The following LRRFIP2 variants were observed in gnomAD, a reference collection of about 807,000 sequenced individuals.
LRRFIP2 encodes the protein LRR binding FLII interacting protein 2.
LRRFIP2 carries 109 observed loss-of-function variants against 125.9 expected under a neutral mutation model. The ratio of observed to expected loss-of-function variants is 0.87; its 90% CI spans 0.74 to 1.01. The LOEUF (loss-of-function observed/expected upper bound fraction) is 1.01, where lower values mean the gene tolerates loss of function less well. Among genes scored for constraint, LRRFIP2 ranks in the 50% least tolerant of loss-of-function variants. The pLI is 0.00. For missense variants in LRRFIP2, 850 were observed against 862.3 expected (o/e 0.99, Z 0.18); for synonymous variants, 291 against 293.1 (o/e 0.99, Z 0.07).
intron 19 of LRRFIP2, among the ~76,000 whole-genome samples, chr3:37,075,966 A>C (rs1196369505): frequency 1.3e-5 from 2 of 152,200 alleles, no homozygotes; most frequent in Admixed American, 6.5e-5. Context: ...TTAAATTAGT[A>C]ATGTTGGGAT....
At chr3:37,086,444 C>G (rs1423005564) in intron 18 of LRRFIP2, among the ~76,000 whole-genome samples, 1 of 152,048 alleles carries the variant, frequency 6.6e-6, no homozygotes, top group Non-Finnish European at 1.5e-5. Flanking sequence ...CAGCATTATT[C>G]ATAATAGACA....
chr3:37,089,107 A>T (rs1348218568), intron 18 of LRRFIP2, among the ~76,000 whole-genome samples: 1 of 152,148 alleles, frequency 6.6e-6, no homozygotes, highest in Non-Finnish European at 1.5e-5. Context: ...TTCAGTCACT[A>T]TAGATTTACT....
At chr3:37,169,965 C>T (rs922077601) in intron 1 of LRRFIP2, among the ~76,000 whole-genome samples, 2 of 150,764 alleles carry the variant, frequency 1.3e-5, no homozygotes, top group Admixed American at 1.3e-4. Context: ...TTTTTTTTCC[C>T]GAGGAGGAAA....
At chr3:37,070,422 T>G (rs1359584448) in intron 21 of LRRFIP2, among the ~76,000 whole-genome samples, 1 of 151,938 alleles carries the variant, frequency 6.6e-6, no homozygotes, top group Non-Finnish European at 1.5e-5. Flanking sequence ...CCCTGTTTAA[T>G]TTCTTACAAC....
intron 19 of LRRFIP2, 147 bp from the exon 20 acceptor site, chr3:37,075,263 A>G (rs1400674527): frequency 2.0e-6 from 1 of 510,098 alleles, no homozygotes; most frequent in African/African-American, 1.9e-5. Flanking sequence ...TGTGTATTCT[A>G]TAGAAAAGTT....
intron 19 of LRRFIP2, among the ~76,000 whole-genome samples, chr3:37,077,950 G>A (rs1361983031): frequency 6.6e-6 from 1 of 152,150 alleles, no homozygotes; most frequent in East Asian, 1.9e-4. Context: ...GGTACACAGA[G>A]TAGCCAAACT....
In LRRFIP2 at chr3:37,053,573, G is replaced by A; in HGVS notation, c.*278C>T. The A allele has an allele frequency of 2.8e-6, 1 of 351,052 alleles. No individual in the cohort carries two copies. The highest frequency in any genetic ancestry group is 5.3e-6 in the Non-Finnish European group (1 of 187,904). The allele number at this position is 351,052 out of a possible 1,614,324, so 21.7% of individuals were successfully genotyped here. A position where few individuals can be genotyped will look rare whatever the true frequency, so the allele number is the denominator to read the frequency against. ...GTGCCCAGTTACTGAGGCAGCTGGG[G>A]AAAAACGTTGAGTAAACATGATTCT... is the stretch of plus-strand genomic sequence containing the variant. On this transcript the variant is annotated 3_prime_UTR_variant, in exon 28 of 28. Transcript: ENST00000336686.
chr3:37,089,274 A>AT (rs1431823226), intron 18 of LRRFIP2, among the ~76,000 whole-genome samples: 1 of 152,142 alleles, frequency 6.6e-6, no homozygotes, highest in Middle Eastern at 3.2e-3. Context: ...ATTTTACTGC[A>AT]TTTTCTGGGT....
chr3:37,130,607 T>G (rs1222185322), intron 2 of LRRFIP2, among the ~76,000 whole-genome samples: 1 of 152,184 alleles, frequency 6.6e-6, no homozygotes, highest in Non-Finnish European at 1.5e-5. Flanking sequence ...ATTCATAAGT[T>G]TTAAATTGTA....
At position 37,129,003 on chromosome 3, in the gene LRRFIP2, T is replaced by C. The variant is rs879028218; in HGVS notation, c.177+60A>G. 21 of 1,429,834 alleles carry C rather than the reference T, an allele frequency of 1.5e-5. No homozygotes were observed. The South Asian group carries it at 2.2e-4, about 15-fold the overall frequency. 88.6% of individuals were successfully genotyped at this position (1,429,834 alleles called of 1,614,324 possible). On this transcript the variant is annotated intron_variant, in intron 3 of 27. Coordinates refer to ENST00000336686, the MANE Select transcript of LRRFIP2 (RefSeq NM_006309.4). ...AAACCAGATTCACATCAGAATAAAC[T>C]AGCCAAGTACTGATTTTGGGGGAGA...
At chr3:37,116,293 T>C (rs972561094) in intron 6 of LRRFIP2, among the ~76,000 whole-genome samples, 1 of 137,140 alleles carries the variant, frequency 7.3e-6, no homozygotes, top group African/African-American at 2.6e-5. Flanking sequence ...CCACCATACT[T>C]ACCTAATTTT....
chr3:37,104,457 T>TTA (rs1243616593), intron 14 of LRRFIP2, among the ~76,000 whole-genome samples: 1 of 152,220 alleles, frequency 6.6e-6, no homozygotes, highest in Non-Finnish European at 1.5e-5. Flanking sequence ...TAAAACGGCT[T>TTA]TAATTAAATA....
chr3:37,083,880 A>G (rs1372402241), intron 18 of LRRFIP2, 74 bp from the exon 19 acceptor site: 1 of 1,143,710 alleles, frequency 8.7e-7, no homozygotes, highest in Admixed American at 2.7e-5. Flanking sequence ...AGGAAATTAT[A>G]GCACTGCCAC....
intron 2 of LRRFIP2, among the ~76,000 whole-genome samples, chr3:37,129,940 C>G (rs2095384504): frequency 6.6e-6 from 1 of 152,200 alleles, no homozygotes; most frequent in Non-Finnish European, 1.5e-5. Flanking sequence ...CTGCAGTGAG[C>G]TGAGATCATG....
chr3:37,107,631 C>T (rs1433422719), intron 13 of LRRFIP2, among the ~76,000 whole-genome samples: 1 of 152,084 alleles, frequency 6.6e-6, no homozygotes, highest in Admixed American at 6.5e-5. Flanking sequence ...TTTTGTCTTT[C>T]GTATAACAAT....
Position 37,091,547 on chromosome 3 carries a change from C to T in LRRFIP2, c.1036-9G>A. 1 of 1,596,030 alleles carries T rather than the reference C, an allele frequency of 6.3e-7. No homozygotes were observed. The highest frequency in any genetic ancestry group is 1.1e-5 in the South Asian group (1 of 88,928). ...TTAAGGTCATAGATATCCTGCAGGACATAGGAATGAACCATTGCATAAAAC... is the reference window on the plus strand; with the variant it reads ...TTAAGGTCATAGATATCCTGCAGGATATAGGAATGAACCATTGCATAAAAC... On this transcript the variant is annotated splice_polypyrimidine_tract_variant and intron_variant, in intron 17 of 27. Coordinates refer to ENST00000336686, the MANE Select transcript of LRRFIP2 (RefSeq NM_006309.4).
chr3:37,118,213 C>G (rs2094880364), intron 6 of LRRFIP2, among the ~76,000 whole-genome samples: 1 of 152,102 alleles, frequency 6.6e-6, no homozygotes, highest in South Asian at 2.1e-4. Flanking sequence ...AGCACCACAC[C>G]CAGCTAATTT....
chr3:37,155,420 G>A (rs1288101487), intron 1 of LRRFIP2, among the ~76,000 whole-genome samples: 1 of 152,140 alleles, frequency 6.6e-6, no homozygotes, highest in East Asian at 1.9e-4. Flanking sequence ...TTCTGCTATA[G>A]TATAGAACAA....
chr3:37,106,553 GT>G (rs2094333720), intron 13 of LRRFIP2, among the ~76,000 whole-genome samples: 2 of 152,132 alleles, frequency 1.3e-5, no homozygotes, highest in Admixed American at 6.5e-5. Flanking sequence ...CACACCTGCA[GT>G]CCCAGCTACT....
Sources: allele counts gnomAD v4.1 joint callset (sites outside exome capture counted in the v4.1 genomes callset), GRCh38; gene constraint gnomAD v4.1.1; transcripts MANE v1.5; gene names NCBI Gene and HGNC (gene_info 2026-07-23, HGNC 2026-07-21).